CCDC6: variants seen among roughly 807,000 people sequenced by gnomAD.
CCDC6 encodes the protein coiled-coil domain containing 6, also known as coiled-coil domain-containing protein 6.
In CCDC6, 20 loss-of-function variants were observed where a neutral mutation model predicts 56.6. The observed-to-expected ratio is 0.35, with a 90% CI of 0.25 to 0.51. The LOEUF (loss-of-function observed/expected upper bound fraction) is 0.51, where lower values mean the gene tolerates loss of function less well. Among genes scored for constraint, CCDC6 ranks in the 20% least tolerant of loss-of-function variants. CCDC6 has a pLI of 0.95. For synonymous variants in CCDC6, 241 were observed against 234.4 expected (o/e 1.03, Z -0.26); for missense variants, 367 against 601.1 (o/e 0.61, Z 4.07).
intron 1 of CCDC6, among the ~76,000 whole-genome samples, chr10:59,876,407 T>C (rs1589058387): frequency 6.6e-6 from 1 of 152,004 alleles, no homozygotes; most frequent in Non-Finnish European, 1.5e-5. Context: ...CCTCACTAAA[T>C]AGATTATTTG....
At chr10:59,876,274 C>T (rs1589058334) in intron 1 of CCDC6, among the ~76,000 whole-genome samples, 1 of 151,940 alleles carries the variant, frequency 6.6e-6, no homozygotes, top group Admixed American at 6.6e-5. Flanking sequence ...GTCTCGAACT[C>T]CTGACCTCAG....
chr10:59,824,347 T>C (rs957104106), intron 3 of CCDC6, among the ~76,000 whole-genome samples: 2 of 152,186 alleles, frequency 1.3e-5, no homozygotes, highest in African/African-American at 2.4e-5. Context: ...GACAGCCTCC[T>C]GAAGCTTCTT....
At chr10:59,904,512 A>T (rs1331716533) in intron 1 of CCDC6, among the ~76,000 whole-genome samples, 1 of 152,160 alleles carries the variant, frequency 6.6e-6, no homozygotes, top group East Asian at 1.9e-4. Flanking sequence ...TAACCCTCTC[A>T]TTTACTAACT....
chr10:59,892,132 G>A (rs140068055), intron 1 of CCDC6, among the ~76,000 whole-genome samples: 12 of 152,328 alleles, frequency 7.9e-5, no homozygotes, highest in African/African-American at 2.4e-4. Context: ...GCACTAGGGC[G>A]TTGCCCATCA....
In CCDC6 at chr10:59,791,280, AG is replaced by A. The variant is rs1373732027; in HGVS notation, c.*1636del. On this transcript the variant is annotated 3_prime_UTR_variant, in exon 9 of 9. Transcript: ENST00000263102. ...ATGTTCTCAGTTTGGGGGTGGAAGC[AG>A]GAAGAGGTGAAAAAATCTTATTGTT... The A allele has an allele frequency of 5.0e-6, 1 of 201,204 alleles. No individual in the cohort carries two copies. The highest frequency in any genetic ancestry group is 1.7e-3 in the Middle Eastern group (1 of 596). The allele number at this position is 201,204 out of a possible 1,614,324, so 12.5% of individuals were successfully genotyped here. A position where few individuals can be genotyped will look rare whatever the true frequency, so the allele number is the denominator to read the frequency against.
intron 1 of CCDC6, 143 bp from the exon 2 acceptor site, chr10:59,852,845 C>A: frequency 1.8e-6 from 1 of 569,474 alleles, no homozygotes; most frequent in Non-Finnish European, 2.9e-6. Flanking sequence ...ACCAACACAC[C>A]CAAGAAATGC....
intron 5 of CCDC6, 144 bp from the exon 6 acceptor site, chr10:59,807,222 C>A (rs1433688751): frequency 4.2e-6 from 3 of 707,386 alleles, no homozygotes; most frequent in Non-Finnish European, 6.9e-6. Context: ...TGGTGGCTCA[C>A]ACTTGTAATC....
intron 1 of CCDC6, among the ~76,000 whole-genome samples, chr10:59,875,845 A>T (rs1303252228): frequency 6.6e-6 from 1 of 152,148 alleles, no homozygotes; most frequent in Non-Finnish European, 1.5e-5. Flanking sequence ...CGAAGACAAA[A>T]GCTCTGCCCA....
intron 1 of CCDC6, among the ~76,000 whole-genome samples, chr10:59,871,754 GGC>G (rs2132668808): frequency 6.6e-6 from 1 of 152,206 alleles, no homozygotes; most frequent in African/African-American, 2.4e-5. Context: ...AGTCCTTTAT[GGC>G]ACAGCACACA....
chr10:59,820,855 A>ATT (rs201032652), intron 3 of CCDC6, among the ~76,000 whole-genome samples: 5 of 144,258 alleles, frequency 3.5e-5, no homozygotes, highest in Admixed American at 2.1e-4. Context: ...AGTTGGCTAG[A>ATT]TTTTTTTTTT....
chr10:59,861,133 C>G (rs886232501), intron 1 of CCDC6, among the ~76,000 whole-genome samples: 1 of 152,080 alleles, frequency 6.6e-6, no homozygotes, highest in East Asian at 1.9e-4. Flanking sequence ...GAGCCAAGAT[C>G]TCACCATTGC....
chr10:59,800,628 A>G (rs1368815341), intron 7 of CCDC6, among the ~76,000 whole-genome samples: 1 of 115,368 alleles, frequency 8.7e-6, no homozygotes, highest in South Asian at 2.8e-4. Context: ...TTTTTTTTTT[A>G]AACCTGCTTC....
chr10:59,793,929 C>A (rs1358333306), intron 8 of CCDC6, among the ~76,000 whole-genome samples: 5 of 151,872 alleles, frequency 3.3e-5, no homozygotes, highest in African/African-American at 4.8e-5. Flanking sequence ...TTGGAAATAC[C>A]CTTAATAATA....
intron 1 of CCDC6, among the ~76,000 whole-genome samples, chr10:59,883,026 T>TG (rs2071356960): frequency 7.4e-6 from 1 of 135,624 alleles, no homozygotes. Flanking sequence ...CGACTTTAAC[T>TG]GAAAAAAAAA....
chr10:59,879,278 T>G lies in CCDC6; in HGVS notation c.304-26576A>C, dbSNP rs192852305. Among the ~76,000 whole-genome samples, 153 of 152,292 alleles carry G rather than the reference T, an allele frequency of 1.0e-3. 2 individuals carry two copies. Among genetic ancestry groups the G allele is most frequent in the Non-Finnish European group, 1.5e-3 (99 of 68,032 alleles). On this transcript the variant is annotated intron_variant, in intron 1 of 8. Transcript: ENST00000263102. Reference sequence around the variant, plus strand: ...TCCTGTTCAGAACACTTACTTAGTATCTTAAAGAATAAGAAGTTACTGAAG... The same window carrying G: ...TCCTGTTCAGAACACTTACTTAGTAGCTTAAAGAATAAGAAGTTACTGAAG...
chr10:59,857,159 C>G (rs2071086981), intron 1 of CCDC6, among the ~76,000 whole-genome samples: 1 of 152,024 alleles, frequency 6.6e-6, no homozygotes, highest in Non-Finnish European at 1.5e-5. Flanking sequence ...CTACTAAAAT[C>G]TAATAAAAAG....
intron 5 of CCDC6, among the ~76,000 whole-genome samples, chr10:59,810,805 T>A (rs894007535): frequency 6.6e-6 from 1 of 152,146 alleles, no homozygotes; most frequent in Admixed American, 6.6e-5. Context: ...CTATAAATGC[T>A]ACTAACCTCA....
At chr10:59,823,996 T>C (rs1169981709) in intron 3 of CCDC6, among the ~76,000 whole-genome samples, 5 of 152,218 alleles carry the variant, frequency 3.3e-5, no homozygotes, top group Admixed American at 1.3e-4. Flanking sequence ...CATTGGATCA[T>C]GATGAGCTGC....
intron 7 of CCDC6, 85 bp from the exon 8 acceptor site, chr10:59,794,682 G>T: frequency 8.6e-7 from 1 of 1,163,174 alleles, no homozygotes; most frequent in Non-Finnish European, 1.3e-6. Flanking sequence ...AATCGCAGTA[G>T]TTCTCTATCA....
Sources: allele counts gnomAD v4.1 joint callset (sites outside exome capture counted in the v4.1 genomes callset), GRCh38; gene constraint gnomAD v4.1.1; transcripts MANE v1.5; gene names NCBI Gene and HGNC (gene_info 2026-07-23, HGNC 2026-07-21).